The following SCX variants were observed in gnomAD, a reference collection of about 807,000 sequenced individuals.
SCX encodes basic helix-loop-helix transcription factor scleraxis.
Under a neutral mutation model 12.2 loss-of-function variants are expected in SCX, and 7 were observed. The observed-to-expected ratio is 0.57, with a 90% CI of 0.33 to 1.08. SCX has a LOEUF of 1.08. Ranked by LOEUF, SCX falls within the 50% of genes least tolerant of loss-of-function variation. The pLI, the probability that SCX is intolerant of heterozygous loss-of-function variation, is 0.04. For synonymous variants in SCX, 193 were observed against 163.9 expected, an observed-to-expected ratio of 1.18 and a Z score of -1.36; for missense variants, 342 against 337.2, an observed-to-expected ratio of 1.01 and a Z score of -0.11.
At position 144,268,114 on chromosome 8, in the gene SCX, G is replaced by C. The variant is rs1051073063; in HGVS notation, c.578G>C (p.Arg193Pro). The change falls in exon 2 of 2, where the codon CGC (arginine) becomes CCC (proline). Residue 193 changes from arginine to proline, a missense_variant. Coordinates refer to ENST00000567180, the MANE Select transcript of SCX (RefSeq NM_001080514.3). Reference sequence around the variant, plus strand: ...CCCTCCCCTCTGCAGAGCAAGGACCGCGACAGAAAGACAGCGATTCGCAGT... The same window carrying C: ...CCCTCCCCTCTGCAGAGCAAGGACCCCGACAGAAAGACAGCGATTCGCAGT... ...LSNQRKLSKD[R>P]DRKTAIRS The C allele has an allele frequency of 6.4e-7, 1 of 1,551,410 alleles. No individual in the cohort carries two copies. The highest frequency in any genetic ancestry group is 2.4e-5 in the East Asian group (1 of 41,022).
At chr8:144,268,060 G>A (rs1311803453) in intron 1 of SCX, 44 bp from the exon 2 acceptor site, 24 of 1,549,356 alleles carry the variant, frequency 1.5e-5, no homozygotes, top group Middle Eastern at 1.9e-4. Context: ...GCAGACTGGC[G>A]CTGGGCTCTG....
rs1386048264 is a variant in SCX, at chr8:144,268,195, C to T, written c.*53C>T. On this transcript the variant is annotated 3_prime_UTR_variant, in exon 2 of 2. Transcript: ENST00000567180. ...GACGCTGCTGGGGGAGGTGGACGCC[C>T]GGGGTGACTGCAGACAGCCCCCACC... 10 of 1,547,982 alleles carry T rather than the reference C, an allele frequency of 6.5e-6. No homozygotes were observed. Among genetic ancestry groups the T allele is most frequent in the South Asian group, 1.2e-5 (1 of 83,952 alleles).
chr8:144,267,303 T>A (rs1324232339), intron 1 of SCX, 123 bp downstream of exon 1: 17 of 1,193,552 alleles, frequency 1.4e-5, no homozygotes, highest in Middle Eastern at 3.2e-4. Context: ...CAGGCACACC[T>A]GTAACACAGG....
At position 144,268,350 on chromosome 8, in the gene SCX, TGCCCGG is replaced by T. The variant is rs1435786001; in HGVS notation, c.*213_*218del. 13 of 651,342 alleles carry T rather than the reference TGCCCGG, an allele frequency of 2.0e-5. No homozygotes were observed. Among genetic ancestry groups the T allele is most frequent in the Non-Finnish European group, 3.1e-5 (12 of 384,756 alleles). The allele number at this position is 651,342 out of a possible 1,614,324, so 40.3% of individuals were successfully genotyped here. A position where few individuals can be genotyped will look rare whatever the true frequency, so the allele number is the denominator to read the frequency against. On this transcript the variant is annotated 3_prime_UTR_variant, in exon 2 of 2. Coordinates refer to ENST00000567180, the MANE Select transcript of SCX (RefSeq NM_001080514.3). ...GGGACTCTGCGCTGGCCCCAGCACC[TGCCCGG>T]GCCCACTGGAACTTTCTGCGCTGGC...
Position 144,266,780 on chromosome 8 carries a change from CG to C in SCX, c.173del (p.Gly58AlafsTer34). On this transcript the variant is annotated frameshift_variant, in exon 1 of 2. Coordinates refer to ENST00000567180, the MANE Select transcript of SCX (RefSeq NM_001080514.3). LOFTEE classifies it high-confidence loss of function. ...GGCCTCCAGGGCGCCCGGCGGAGGG[CG>C]GGGGGCCGGCGGGCCGGGGGCGGGG... ...RCGLQGARRR[A>X]GGRRAGGGGP... 1 of 1,047,260 alleles carries C rather than the reference CG, an allele frequency of 9.5e-7. No homozygotes were observed. The highest frequency in any genetic ancestry group is 1.1e-6 in the Non-Finnish European group (1 of 871,012). 64.9% of individuals were successfully genotyped at this position (1,047,260 alleles called of 1,614,324 possible).
intron 1 of SCX, among the ~76,000 whole-genome samples, chr8:144,267,560 C>T (rs1288708413): frequency 6.6e-6 from 1 of 152,248 alleles, no homozygotes; most frequent in Non-Finnish European, 1.5e-5. Context: ...GGCTGCAAGG[C>T]AAGAGAGGAA....
chr8:144,267,769 C>T (rs1845412244), intron 1 of SCX, among the ~76,000 whole-genome samples: 1 of 152,182 alleles, frequency 6.6e-6, no homozygotes, highest in Non-Finnish European at 1.5e-5. Context: ...GAGACGCTGG[C>T]CAGCTGTGAT....
intron 1 of SCX, 102 bp downstream of exon 1, chr8:144,267,282 C>A: frequency 7.5e-7 from 1 of 1,331,276 alleles, no homozygotes. Flanking sequence ...GGCTCCCCAA[C>A]AGGGCACAGG....
At position 144,267,031 on chromosome 8, in the gene SCX, G is replaced by C; in HGVS notation, c.418G>C (p.Gly140Arg). ...VLLAGEACGD[G>R]QPCHSGPAFF... ...GCTGGCGGGCGAGGCCTGCGGCGAC[G>C]GACAGCCCTGCCACTCCGGGCCCGC... is the stretch of plus-strand genomic sequence containing the variant. The change falls in exon 1 of 2, where the codon GGA becomes CGA. Residue 140 changes from glycine (G) to arginine (R), a missense_variant. By Grantham distance (125) the Gly-to-Arg change is moderately radical. Around this residue, in one of 3 missense-constraint regions of SCX, gnomAD observed 161 missense variants for 155.7 expected, o/e 1.03. Coordinates refer to ENST00000567180, the MANE Select transcript of SCX (RefSeq NM_001080514.3). 1 of 1,515,520 alleles carries C rather than the reference G, an allele frequency of 6.6e-7. No individual in the cohort carries two copies. Among genetic ancestry groups the C allele is most frequent in the South Asian group, 1.2e-5 (1 of 85,102 alleles). The allele number at this position is 1,515,520 out of a possible 1,614,324, so 93.9% of individuals were successfully genotyped here.
intron 1 of SCX, among the ~76,000 whole-genome samples, 189 bp from the exon 2 acceptor site, chr8:144,267,915 T>G (rs902519581): frequency 6.6e-6 from 1 of 152,178 alleles, no homozygotes; most frequent in South Asian, 2.1e-4. Context: ...TCTGGGAAAT[T>G]TAATTTTACA....
Position 144,266,750 on chromosome 8 carries a change from G to A in SCX, c.137G>A (p.Arg46His), listed in dbSNP as rs1435915700. 2 of 1,086,932 alleles carry A rather than the reference G, an allele frequency of 1.8e-6. No individual in the cohort carries two copies. Among genetic ancestry groups the A allele is most frequent in the Admixed American group, 4.8e-5 (1 of 20,676 alleles). 67.3% of individuals were successfully genotyped at this position (1,086,932 alleles called of 1,614,324 possible). ...DEKPCRVHAA[R>H]CGLQGARRRA... is the part of the protein sequence containing the mutation. Reference sequence around the variant, plus strand: ...AAACCCTGTCGCGTGCACGCGGCGCGCTGCGGCCTCCAGGGCGCCCGGCGG... The same window carrying A: ...AAACCCTGTCGCGTGCACGCGGCGCACTGCGGCCTCCAGGGCGCCCGGCGG... The change falls in exon 1 of 2, where the codon CGC (arginine) becomes CAC (histidine). Residue 46 changes from arginine (R) to histidine (H), a missense_variant. Arg to His is a conservative substitution (Grantham distance 29). Coordinates refer to ENST00000567180, the MANE Select transcript of SCX (RefSeq NM_001080514.3).
In SCX at chr8:144,266,651, G is replaced by T; in HGVS notation, c.38G>T (p.Arg13Leu). The T allele has an allele frequency of 2.4e-6, 3 of 1,253,726 alleles. No homozygotes were observed. Among genetic ancestry groups the T allele is most frequent in the East Asian group, 5.4e-5 (1 of 18,432 alleles). The allele number at this position is 1,253,726 out of a possible 1,614,324, so 77.7% of individuals were successfully genotyped here. ...FATLRPAPPG[R>L]YLYPEVSPLS... Reference sequence around the variant, plus strand: ...ACGCTGCGCCCGGCGCCGCCGGGCCGCTACCTGTACCCCGAGGTGAGCCCG... The same window carrying T: ...ACGCTGCGCCCGGCGCCGCCGGGCCTCTACCTGTACCCCGAGGTGAGCCCG... Residue 13 changes from arginine to leucine, a missense_variant, in exon 1 of 2, where the codon CGC becomes CTC. Arg to Leu is a moderately radical substitution (Grantham distance 102). Around this residue, in one of 3 missense-constraint regions of SCX, gnomAD observed 139 missense variants for 107.8 expected, o/e 1.29. Coordinates refer to ENST00000567180, the MANE Select transcript of SCX (RefSeq NM_001080514.3).
chr8:144,267,266 G>A (rs922317546), intron 1 of SCX, 86 bp downstream of exon 1: 14 of 1,395,858 alleles, frequency 1.0e-5, no homozygotes, highest in African/African-American at 3.1e-5. Flanking sequence ...GAGGCCACAC[G>A]GGCAGGGCTC....
chr8:144,268,288 C>A lies in SCX; in HGVS notation c.*146C>A. 2 of 1,220,298 alleles carry A rather than the reference C, an allele frequency of 1.6e-6. No individual in the cohort carries two copies. The highest frequency in any genetic ancestry group is 1.5e-5 in the South Asian group (1 of 68,898). The allele number at this position is 1,220,298 out of a possible 1,614,324, so 75.6% of individuals were successfully genotyped here. On this transcript the variant is annotated 3_prime_UTR_variant, in exon 2 of 2. Coordinates refer to ENST00000567180, the MANE Select transcript of SCX (RefSeq NM_001080514.3). ...GGCCAGCCCTGGCTGCGAGCGGGGC[C>A]GAGGGACAGACGGACGTACAGACAG...
At position 144,266,754 on chromosome 8, in the gene SCX, C is replaced by T; in HGVS notation, c.141C>T (p.Cys47=). The change falls in exon 1 of 2, where the codon TGC becomes TGT. Residue 47 remains cysteine (C), a synonymous_variant. Coordinates refer to ENST00000567180, the MANE Select transcript of SCX (RefSeq NM_001080514.3). ...CCTGTCGCGTGCACGCGGCGCGCTG[C>T]GGCCTCCAGGGCGCCCGGCGGAGGG... ...EKPCRVHAAR[C]GLQGARRRAG... The T allele has an allele frequency of 2.8e-6, 3 of 1,074,422 alleles. No homozygotes were observed. The highest frequency in any genetic ancestry group is 3.4e-6 in the Non-Finnish European group (3 of 883,570). 66.6% of individuals were successfully genotyped at this position (1,074,422 alleles called of 1,614,324 possible). A position where few individuals can be genotyped will look rare whatever the true frequency, so the allele number is the denominator to read the frequency against.
Position 144,268,166 on chromosome 8 carries a change from GGCAGAC to G in SCX, c.*27_*32del, listed in dbSNP as rs1488340238. The G allele has an allele frequency of 1.9e-6, 3 of 1,548,978 alleles. No individual in the cohort carries two copies. In the African/African-American group the frequency reaches 4.1e-5, roughly 21 times the overall value. On this transcript the variant is annotated 3_prime_UTR_variant, in exon 2 of 2. Transcript: ENST00000567180. ...AGGAGGTGGCCGGCAGCAGCCAGGAGGCAGACGCTGCTGGGGGAGGTGGACGCCCGG... is the reference window on the plus strand; with the variant it reads ...AGGAGGTGGCCGGCAGCAGCCAGGAGGCTGCTGGGGGAGGTGGACGCCCGG...
chr8:144,266,806 GGGCCAGGGGGCC>G lies in SCX; in HGVS notation c.201_212del (p.Gly68_Gly71del). 1 of 1,146,186 alleles carries G rather than the reference GGGCCAGGGGGCC, an allele frequency of 8.7e-7. No individual in the cohort carries two copies. The highest frequency in any genetic ancestry group is 1.1e-6 in the Non-Finnish European group (1 of 933,958). The allele number at this position is 1,146,186 out of a possible 1,614,324, so 71.0% of individuals were successfully genotyped here. The stretch of plus-strand genomic sequence containing the variant: ...GGGGGGCCGGCGGGCCGGGGGCGGG[GGGCCAGGGGGCC>G]GGCCAGGCCGTGAGCCCCGGCAGCG... On this transcript the variant is annotated inframe_deletion, in exon 1 of 2. Transcript: ENST00000567180.
At position 144,266,689 on chromosome 8, in the gene SCX, G is replaced by C. The variant is rs1406178587; in HGVS notation, c.76G>C (p.Glu26Gln). 1.0e-5 allele frequency: 13 copies of C among 1,244,466 alleles called. No homozygotes were observed. In the African/African-American group the frequency reaches 2.1e-4, roughly 20 times the overall value. The allele number at this position is 1,244,466 out of a possible 1,614,324, so 77.1% of individuals were successfully genotyped here. ...YPEVSPLSED[E>Q]DRGSDSSGSD... ...CGAGGTGAGCCCGCTGTCGGAGGACGAGGACCGCGGCAGCGACAGCTCGGG... is the reference window on the plus strand; with the variant it reads ...CGAGGTGAGCCCGCTGTCGGAGGACCAGGACCGCGGCAGCGACAGCTCGGG... Residue 26 changes from glutamate (E) to glutamine (Q), a missense_variant, in exon 1 of 2, where the codon GAG becomes CAG. By Grantham distance (29) the Glu-to-Gln change is conservative. Around this residue, in one of 3 missense-constraint regions of SCX, gnomAD observed 139 missense variants for 107.8 expected, o/e 1.29. Coordinates refer to ENST00000567180, the MANE Select transcript of SCX (RefSeq NM_001080514.3).
At chr8:144,268,035 G>A (rs1845418905) in intron 1 of SCX, 69 bp from the exon 2 acceptor site, 5 of 1,548,182 alleles carry the variant, frequency 3.2e-6, no homozygotes. Flanking sequence ...CACCCAGCAG[G>A]GAGGCCAGAG....
Sources: gnomAD v4.1 joint callset for allele counts (sites outside exome capture counted in the v4.1 genomes callset) on GRCh38, gnomAD v4.1.1 for gene constraint, gnomAD v4.1.1 regional missense constraint, MANE v1.5 for transcripts, NCBI Gene and HGNC (gene_info 2026-07-23, HGNC 2026-07-21) for gene names.